PCDHA2: variants seen among roughly 807,000 people sequenced by gnomAD.
The protein encoded by PCDHA2 is protocadherin alpha-2.
A neutral mutation model predicts 66.0 loss-of-function variants in PCDHA2; 58 were observed. The observed-to-expected ratio is 0.88, with a 90% CI of 0.71 to 1.09. PCDHA2 has a LOEUF of 1.09. Among genes scored for constraint, PCDHA2 ranks in the 50% least tolerant of loss-of-function variants. The pLI is 0.00. For missense variants in PCDHA2, 1,267 were observed against 1,242.3 expected, an observed-to-expected ratio of 1.02 and a Z score of -0.30; for synonymous variants, 634 against 554.0, an observed-to-expected ratio of 1.14 and a Z score of -2.03.
At chr5:140,897,648 T>C (rs556362001) in intron 1 of PCDHA2, among the ~76,000 whole-genome samples, 1 of 152,302 alleles carries the variant, frequency 6.6e-6, no homozygotes, top group African/African-American at 2.4e-5. Flanking sequence ...ACAATAAACA[T>C]ACGTGTGCAT....
At chr5:140,801,379 C>T (rs7731327) in intron 1 of PCDHA2, 2 of 1,613,474 alleles carry the variant, frequency 1.2e-6, no homozygotes, top group Non-Finnish European at 1.7e-6. Context: ...GAGCTGGTGC[C>T]GCGCCTGTTC....
intron 3 of PCDHA2, among the ~76,000 whole-genome samples, chr5:140,982,795 A>G (rs1011948194): frequency 3.3e-5 from 5 of 151,516 alleles, no homozygotes; most frequent in African/African-American, 1.2e-4. Context: ...GCATGTGTGC[A>G]TGTGTGTGTG....
chr5:141,002,614 T>C (rs2098088159), intron 3 of PCDHA2, among the ~76,000 whole-genome samples: 1 of 152,130 alleles, frequency 6.6e-6, no homozygotes, highest in Non-Finnish European at 1.5e-5. Context: ...AACAGACACA[T>C]AACACAGACA....
At chr5:140,979,399 G>T (rs1352440599) in intron 2 of PCDHA2, among the ~76,000 whole-genome samples, 1 of 151,708 alleles carries the variant, frequency 6.6e-6, no homozygotes. Flanking sequence ...CATACATGTT[G>T]TCTACCTTGT....
rs915171063 is a variant in PCDHA2 at position 140,977,108 on chromosome 5, T to C, written c.2389-1841T>C. On this transcript the variant is annotated intron_variant, in intron 1 of 3. Transcript: ENST00000526136. ...AAATGTGTCATTGGGGAAGTGAGAT[T>C]GTATAATGAACTGAGTTTCCTGGTC... 6.6e-5 allele frequency among the ~76,000 whole-genome samples: 10 copies of C among 152,302 alleles called. No homozygotes were observed. The East Asian group carries it at 1.9e-3, about 29-fold the overall frequency.
At chr5:140,826,575 C>T (rs1208730445) in intron 1 of PCDHA2, among the ~76,000 whole-genome samples, 1 of 152,054 alleles carries the variant, frequency 6.6e-6, no homozygotes, top group Admixed American at 6.5e-5. Context: ...GGTTTAATCA[C>T]TTCAAATGGA....
intron 3 of PCDHA2, among the ~76,000 whole-genome samples, chr5:140,984,789 A>G (rs2097121266): frequency 6.6e-6 from 1 of 152,202 alleles, no homozygotes; most frequent in African/African-American, 2.4e-5. Context: ...GGGTGAGCAT[A>G]GACAAACTGC....
Position 140,974,586 on chromosome 5 carries a change from A to G in PCDHA2, c.2389-4363A>G, listed in dbSNP as rs150396044. Among the ~76,000 whole-genome samples, 599 of 152,220 alleles carry G rather than the reference A, an allele frequency of 3.9e-3. 3 individuals carry two copies. Among genetic ancestry groups the G allele is most frequent in the African/African-American group, 0.014 (565 of 41,540 alleles). On this transcript the variant is annotated intron_variant, in intron 1 of 3. Transcript: ENST00000526136. The stretch of plus-strand genomic sequence containing the variant: ...GAGTGCAATGGCATGATCTTGGCTC[A>G]CTGCAACCTCTGCCTCCAGGGTTCA...
At chr5:140,905,130 G>A (rs2071615464) in intron 1 of PCDHA2, among the ~76,000 whole-genome samples, 1 of 152,178 alleles carries the variant, frequency 6.6e-6, no homozygotes, top group African/African-American at 2.4e-5. Flanking sequence ...GTCTAGAAGA[G>A]TTTTTCTGCT....
At chr5:140,941,167 A>G (rs1352007891) in intron 1 of PCDHA2, among the ~76,000 whole-genome samples, 2 of 144,982 alleles carry the variant, frequency 1.4e-5, no homozygotes, top group Non-Finnish European at 3.1e-5. Flanking sequence ...AAGACTCCCC[A>G]TCTTGAACAT....
At chr5:140,958,921 G>A (rs269549) in intron 1 of PCDHA2, among the ~76,000 whole-genome samples, 34,177 of 150,822 alleles carry the variant, frequency 0.23, 4,980 homozygotes, top group African/African-American at 0.42. Context: ...GCCTGGGTGT[G>A]GTGGCTCATA....
chr5:140,838,723 T>C (rs1554137164), intron 1 of PCDHA2, among the ~76,000 whole-genome samples: 3 of 151,910 alleles, frequency 2.0e-5, no homozygotes, highest in South Asian at 4.1e-4. Flanking sequence ...ATTGCTTCAG[T>C]CTAGTAGTTT....
At position 140,856,428 on chromosome 5, in the gene PCDHA2, A is replaced by G. The variant is rs782670614; in HGVS notation, c.2388+59076A>G. On this transcript the variant is annotated intron_variant, in intron 1 of 3. Coordinates refer to ENST00000526136, the MANE Select transcript of PCDHA2 (RefSeq NM_018905.3). ...GACGTGGAAGTGAAGGACATTAACG[A>G]CAACCCGCCCAGGTTCTCCGTAACA... The G allele has an allele frequency of 5.0e-6, 8 of 1,598,286 alleles. No homozygotes were observed. The East Asian group carries it at 1.8e-4, about 36-fold the overall frequency.
chr5:140,803,121 G>A, intron 1 of PCDHA2: 1 of 1,613,764 alleles, frequency 6.2e-7, no homozygotes, highest in Non-Finnish European at 8.5e-7. Flanking sequence ...CGAGGTGGAC[G>A]CCCCGCGCCA....
At chr5:140,801,911 C>T in intron 1 of PCDHA2, 1 of 1,614,176 alleles carries the variant, frequency 6.2e-7, no homozygotes, top group South Asian at 1.1e-5. Flanking sequence ...TAAACGACAA[C>T]GCCCCAGCGT....
intron 1 of PCDHA2, chr5:140,928,022 G>A: frequency 6.2e-7 from 1 of 1,614,200 alleles, no homozygotes; most frequent in Non-Finnish European, 8.5e-7. Flanking sequence ...AGGGTCATTT[G>A]TGGCATGTCT....
intron 1 of PCDHA2, among the ~76,000 whole-genome samples, chr5:140,844,419 T>C (rs1779369734): frequency 6.7e-6 from 1 of 149,576 alleles, no homozygotes; most frequent in South Asian, 2.1e-4. Flanking sequence ...AGACATGTTT[T>C]TTATTCTACA....
At chr5:140,882,584 C>G (rs1554174685) in intron 1 of PCDHA2, 5 of 1,614,238 alleles carry the variant, frequency 3.1e-6, no homozygotes, top group South Asian at 1.1e-5. Flanking sequence ...CAGCATCCAC[C>G]TGGAGGTGAT....
At chr5:140,895,130 G>A (rs1423440826) in intron 1 of PCDHA2, among the ~76,000 whole-genome samples, 11 of 152,232 alleles carry the variant, frequency 7.2e-5, no homozygotes, top group African/African-American at 2.6e-4. Flanking sequence ...TAGTTGACAA[G>A]TTCATAGGGC....
Sources: allele counts gnomAD v4.1 joint callset (sites outside exome capture counted in the v4.1 genomes callset), GRCh38; gene constraint gnomAD v4.1.1; transcripts MANE v1.5; gene names NCBI Gene and HGNC (gene_info 2026-07-23, HGNC 2026-07-21).